DPP10: variants seen among roughly 807,000 people sequenced by gnomAD.
DPP10 encodes dipeptidyl peptidase like 10, also known as inactive dipeptidyl peptidase 10.
In DPP10, 33 loss-of-function variants were observed where a neutral mutation model predicts 120.9. The observed-to-expected ratio is 0.27, with a 90% CI of 0.21 to 0.37. DPP10 has a LOEUF of 0.37. Ranked by LOEUF, DPP10 falls within the 10% of genes least tolerant of loss-of-function variation. DPP10 has a pLI of 1.00. For missense variants in DPP10, 816 were observed against 942.8 expected, an observed-to-expected ratio of 0.87 and a Z score of 1.76; for synonymous variants, 337 against 326.1, an observed-to-expected ratio of 1.03 and a Z score of -0.36.
In DPP10 at chr2:115,495,365, G is replaced by GAAAAAAAAAAA. The variant is rs3039998; in HGVS notation, c.272-4135_272-4125dup. Among the ~76,000 whole-genome samples the GAAAAAAAAAAA allele has an allele frequency of 4.5e-4, 37 of 82,220 alleles. 1 individual carries two copies. Among genetic ancestry groups the GAAAAAAAAAAA allele is most frequent in the Admixed American group, 7.9e-4 (4 of 5,070 alleles). The allele number at this position is 82,220 out of a possible 152,430, so 53.9% of individuals were successfully genotyped here. A position where few individuals can be genotyped will look rare whatever the true frequency, so the allele number is the denominator to read the frequency against. On this transcript the variant is annotated intron_variant, in intron 3 of 25. Coordinates refer to ENST00000410059, the MANE Select transcript of DPP10 (RefSeq NM_020868.6). ...AGAAACTAATTTTCAGCCATTTTCT[G>GAAAAAAAAAAA]AAAAAAAAAAAAAAAAAAAAGTTTT...
At chr2:114,717,512 G>T (rs1346804880) in intron 1 of DPP10, among the ~76,000 whole-genome samples, 1 of 152,150 alleles carries the variant, frequency 6.6e-6, no homozygotes, top group East Asian at 1.9e-4. Context: ...TTTTAAAGCA[G>T]TTGAAAAGGT....
intron 1 of DPP10, among the ~76,000 whole-genome samples, chr2:115,170,987 C>T (rs2053276025): frequency 6.6e-6 from 1 of 152,160 alleles, no homozygotes; most frequent in Non-Finnish European, 1.5e-5. Flanking sequence ...ATCTCCAAAC[C>T]CAAATCCAGT....
intron 1 of DPP10, among the ~76,000 whole-genome samples, chr2:115,173,820 G>A (rs918809566): frequency 6.6e-6 from 1 of 152,134 alleles, no homozygotes; most frequent in African/African-American, 2.4e-5. Context: ...AACCGACTAT[G>A]TGATTAAGTT....
At chr2:115,204,516 T>A (rs999600935) in intron 1 of DPP10, among the ~76,000 whole-genome samples, 6 of 152,180 alleles carry the variant, frequency 3.9e-5, no homozygotes, top group African/African-American at 1.4e-4. Flanking sequence ...CAAAACATTT[T>A]AGTCACAACT....
intron 1 of DPP10, among the ~76,000 whole-genome samples, chr2:114,477,775 A>G (rs528753958): frequency 6.6e-6 from 1 of 151,260 alleles, no homozygotes; most frequent in Admixed American, 6.6e-5. Flanking sequence ...ATATTTATAC[A>G]TACATATGTA....
intron 1 of DPP10, among the ~76,000 whole-genome samples, chr2:114,867,384 CTTATT>C (rs1174872142): frequency 6.6e-6 from 1 of 152,146 alleles, no homozygotes; most frequent in African/African-American, 2.4e-5. Context: ...CAAAACTGGA[CTTATT>C]TTATTTTAAA....
chr2:114,907,096 C>A (rs1694028962), intron 1 of DPP10, among the ~76,000 whole-genome samples: 1 of 151,692 alleles, frequency 6.6e-6, no homozygotes, highest in Non-Finnish European at 1.5e-5. Context: ...TATAAGTTAT[C>A]CTAATTTTGA....
At chr2:115,200,300 A>G (rs1187147764) in intron 1 of DPP10, among the ~76,000 whole-genome samples, 1 of 152,160 alleles carries the variant, frequency 6.6e-6, no homozygotes, top group Non-Finnish European at 1.5e-5. Flanking sequence ...GTTTCAAATA[A>G]CCATTACTAC....
intron 2 of DPP10, among the ~76,000 whole-genome samples, chr2:115,317,569 A>T (rs1358612818): frequency 6.6e-6 from 1 of 151,584 alleles, no homozygotes; most frequent in Non-Finnish European, 1.5e-5. Context: ...ACCATCTTAC[A>T]TTCCCAACAG....
intron 1 of DPP10, among the ~76,000 whole-genome samples, chr2:115,182,836 A>G (rs1010498938): frequency 6.6e-6 from 1 of 152,210 alleles, no homozygotes; most frequent in Admixed American, 6.5e-5. Context: ...TTTGCTTAAA[A>G]TATGACTTCA....
intron 5 of DPP10, among the ~76,000 whole-genome samples, chr2:115,650,928 T>A (rs761699855): frequency 1.3e-5 from 2 of 152,110 alleles, no homozygotes; most frequent in African/African-American, 2.4e-5. Context: ...AGAGACAGAA[T>A]TTCTCCACAT....
chr2:115,685,078 C>T (rs1296728770), intron 5 of DPP10, among the ~76,000 whole-genome samples: 1 of 151,864 alleles, frequency 6.6e-6, no homozygotes, highest in African/African-American at 2.4e-5. Flanking sequence ...CTTAAACTTT[C>T]AGTTTTAAAA....
chr2:114,500,611 T>C (rs1412546656), intron 1 of DPP10, among the ~76,000 whole-genome samples: 3 of 152,122 alleles, frequency 2.0e-5, no homozygotes. Context: ...TTTCTTCAGA[T>C]GACAGGGGCC....
At chr2:114,542,160 A>G (rs1687014271) in intron 1 of DPP10, among the ~76,000 whole-genome samples, 2 of 144,242 alleles carry the variant, frequency 1.4e-5, no homozygotes, top group South Asian at 4.3e-4. Flanking sequence ...TGATTCTTCT[A>G]CCTTAACCTC....
chr2:115,657,413 A>G (rs76393174), intron 5 of DPP10, among the ~76,000 whole-genome samples: 3,531 of 151,874 alleles, frequency 0.023, 47 homozygotes, highest in Middle Eastern at 0.048. Flanking sequence ...CATTTCTTTT[A>G]ATTTATGAAA....
At chr2:115,388,614 T>G (rs1343927661) in intron 3 of DPP10, among the ~76,000 whole-genome samples, 1 of 152,214 alleles carries the variant, frequency 6.6e-6, no homozygotes, top group Non-Finnish European at 1.5e-5. Flanking sequence ...TGCAAAAGAA[T>G]TGTGAGTGAA....
intron 1 of DPP10, among the ~76,000 whole-genome samples, chr2:115,256,178 C>T (rs1213528352): frequency 6.6e-6 from 1 of 152,164 alleles, no homozygotes; most frequent in Non-Finnish European, 1.5e-5. Flanking sequence ...GAAGGGGAAG[C>T]AAACACGTCT....
In DPP10 at chr2:114,999,398, A is replaced by G. The variant is rs547190565; in HGVS notation, c.61-309841A>G. Among the ~76,000 whole-genome samples the G allele has an allele frequency of 1.5e-3, 225 of 152,174 alleles. 2 individuals are homozygous for G. Among genetic ancestry groups the G allele is most frequent in the Non-Finnish European group, 7.8e-4 (53 of 68,034 alleles). On this transcript the variant is annotated intron_variant, in intron 1 of 25. Coordinates refer to ENST00000410059, the MANE Select transcript of DPP10 (RefSeq NM_020868.6). ...CAAATCCATTCCTCATTTTAAGACT[A>G]AAATGGGATTTCTTTTGCCATGTCG...
At chr2:115,321,604 G>T (rs1257920719) in intron 2 of DPP10, among the ~76,000 whole-genome samples, 5 of 132,134 alleles carry the variant, frequency 3.8e-5, no homozygotes, top group Non-Finnish European at 7.9e-5. Context: ...GCCGTCATTT[G>T]TTTAAATACT....
Sources: allele counts gnomAD v4.1 joint callset (sites outside exome capture counted in the v4.1 genomes callset), GRCh38; gene constraint gnomAD v4.1.1; transcripts MANE v1.5; gene names NCBI Gene and HGNC (gene_info 2026-07-23, HGNC 2026-07-21).